DEK: variants seen among roughly 807,000 people sequenced by gnomAD.
DEK encodes protein DEK.
DEK carries 28 observed loss-of-function variants against 46.8 expected under a neutral mutation model. That is an observed-to-expected ratio of 0.60 (90% CI 0.44 to 0.82). The LOEUF (loss-of-function observed/expected upper bound fraction) is 0.82. DEK is among the 40% of genes least tolerant of loss of function. The pLI, the probability that DEK is intolerant of heterozygous loss-of-function variation, is 0.00. For synonymous variants in DEK, 160 were observed against 144.5 expected (o/e 1.11, Z -0.77); for missense variants, 416 against 430.6 (o/e 0.97, Z 0.30).
At chr6:18,263,656 T>A (rs1328609312) in intron 2 of DEK, among the ~76,000 whole-genome samples, 187 bp downstream of exon 2, 2 of 152,176 alleles carry the variant, frequency 1.3e-5, no homozygotes, top group East Asian at 3.9e-4. Context: ...AAAACCGGAA[T>A]ACACAAAGTC....
At chr6:18,259,360 A>C (rs1358753217) in intron 2 of DEK, among the ~76,000 whole-genome samples, 1 of 128,742 alleles carries the variant, frequency 7.8e-6, no homozygotes, top group Admixed American at 9.7e-5. Context: ...GCACCACTGC[A>C]CCTCAGCCTG....
chr6:18,234,810 C>T (rs1002632393), intron 9 of DEK, among the ~76,000 whole-genome samples: 3 of 152,132 alleles, frequency 2.0e-5, no homozygotes, highest in African/African-American at 4.8e-5. Flanking sequence ...CTCACCTACT[C>T]CCATTTACCT....
intron 9 of DEK, among the ~76,000 whole-genome samples, chr6:18,234,387 G>C (rs909268096): frequency 1.3e-5 from 2 of 151,818 alleles, no homozygotes; most frequent in Non-Finnish European, 2.9e-5. Flanking sequence ...TTCTTTCCCT[G>C]CAAAACCCCA....
At chr6:18,229,233 G>A (rs574607931) in intron 9 of DEK, among the ~76,000 whole-genome samples, 469 of 152,308 alleles carry the variant, frequency 3.1e-3, no homozygotes, top group Non-Finnish European at 5.4e-3. Context: ...CCATCTGTAC[G>A]TCACCATCAT....
At chr6:18,236,716 T>C (rs1454272754) in intron 8 of DEK, 116 bp from the exon 9 acceptor site, 9 of 684,264 alleles carry the variant, frequency 1.3e-5, no homozygotes, top group African/African-American at 1.9e-5. Flanking sequence ...ATCAAAAAAA[T>C]TATAAATCAC....
intron 9 of DEK, among the ~76,000 whole-genome samples, chr6:18,230,416 TAA>T (rs1790360004): frequency 6.6e-6 from 1 of 152,136 alleles, no homozygotes; most frequent in South Asian, 2.1e-4. Flanking sequence ...ATGCTCCAAT[TAA>T]AAGACACAGA....
chr6:18,247,921 C>T (rs1791196011), intron 7 of DEK, among the ~76,000 whole-genome samples: 1 of 152,150 alleles, frequency 6.6e-6, no homozygotes, highest in East Asian at 1.9e-4. Flanking sequence ...ATCCACCCAC[C>T]TCGGCCTCCC....
Position 18,225,078 on chromosome 6 carries a change from A to C in DEK, c.*641T>G, listed in dbSNP as rs1790050154. 1 of 214,500 alleles carries C rather than the reference A, an allele frequency of 4.7e-6. No homozygotes were observed. Among genetic ancestry groups the C allele is most frequent in the Admixed American group, 5.9e-5 (1 of 17,058 alleles). 13.3% of individuals were successfully genotyped at this position (214,500 alleles called of 1,614,324 possible). On this transcript the variant is annotated 3_prime_UTR_variant, in exon 11 of 11. Transcript: ENST00000652689. ...AGATACCTACCTATGTGAGTTTAAAAAGTGATCTGCACAAAAGAAATAAAA... is the reference window on the plus strand; with the variant it reads ...AGATACCTACCTATGTGAGTTTAAACAGTGATCTGCACAAAAGAAATAAAA...
At chr6:18,262,006 A>T (rs896382090) in intron 2 of DEK, among the ~76,000 whole-genome samples, 12 of 152,152 alleles carry the variant, frequency 7.9e-5, no homozygotes, top group African/African-American at 2.9e-4. Flanking sequence ...TGATTAAATC[A>T]TGGGGGCAGA....
At chr6:18,229,972 CAGAG>C (rs974736169) in intron 9 of DEK, among the ~76,000 whole-genome samples, 2 of 152,132 alleles carry the variant, frequency 1.3e-5, no homozygotes, top group Non-Finnish European at 2.9e-5. Context: ...CAAGGGCAGC[CAGAG>C]AGAAAGGTCG....
chr6:18,239,580 T>G (rs566525239), intron 7 of DEK, among the ~76,000 whole-genome samples: 1 of 152,084 alleles, frequency 6.6e-6, no homozygotes, highest in Non-Finnish European at 1.5e-5. Context: ...CTGGGAAGCA[T>G]GTAGTTTAAC....
chr6:18,256,559 T>A, intron 4 of DEK, 104 bp from the exon 5 acceptor site: 1 of 891,074 alleles, frequency 1.1e-6, no homozygotes. Context: ...CATACCTGTC[T>A]GTAAGTTACA....
At chr6:18,245,314 C>G (rs977504803) in intron 7 of DEK, among the ~76,000 whole-genome samples, 4 of 152,222 alleles carry the variant, frequency 2.6e-5, no homozygotes, top group African/African-American at 9.6e-5. Context: ...GTACCCACAT[C>G]CTCAATTCCT....
At chr6:18,245,643 C>T (rs1281185565) in intron 7 of DEK, among the ~76,000 whole-genome samples, 1 of 152,158 alleles carries the variant, frequency 6.6e-6, no homozygotes, top group Non-Finnish European at 1.5e-5. Context: ...ATTGTTTTCT[C>T]CAATATGTAC....
chr6:18,249,209 T>TA (rs1269847446), intron 7 of DEK, among the ~76,000 whole-genome samples: 1 of 152,158 alleles, frequency 6.6e-6, no homozygotes, highest in Non-Finnish European at 1.5e-5. Context: ...TCTCACTACA[T>TA]AGTCCCCTAA....
intron 2 of DEK, among the ~76,000 whole-genome samples, chr6:18,259,607 G>T (rs1275052282): frequency 1.3e-5 from 2 of 151,862 alleles, no homozygotes; most frequent in Non-Finnish European, 2.9e-5. Context: ...ACTAAGAGGG[G>T]ATAAATGGAT....
chr6:18,235,247 A>G (rs1790597821), intron 9 of DEK, among the ~76,000 whole-genome samples: 1 of 152,254 alleles, frequency 6.6e-6, no homozygotes, highest in South Asian at 2.1e-4. Flanking sequence ...TTATTTCAGG[A>G]AGAAACTCAA....
intron 9 of DEK, among the ~76,000 whole-genome samples, chr6:18,234,632 T>A (rs2328237): frequency 2.6e-5 from 4 of 152,208 alleles, no homozygotes; most frequent in African/African-American, 7.2e-5. Context: ...GCCATTATTA[T>A]GAATTCCTTC....
chr6:18,263,651 C>A (rs1331945815), intron 2 of DEK, among the ~76,000 whole-genome samples, 192 bp downstream of exon 2: 2 of 152,140 alleles, frequency 1.3e-5, no homozygotes, highest in Non-Finnish European at 2.9e-5. Flanking sequence ...CTTTAAAAAC[C>A]GGAATACACA....
Sources: allele counts gnomAD v4.1 joint callset (sites outside exome capture counted in the v4.1 genomes callset), GRCh38; gene constraint gnomAD v4.1.1; transcripts MANE v1.5; gene names NCBI Gene and HGNC (gene_info 2026-07-23, HGNC 2026-07-21).